The following TSPEAR variants were observed in gnomAD, a reference collection of about 807,000 sequenced individuals.
The protein encoded by TSPEAR is thrombospondin type laminin G domain and EAR repeats.
In TSPEAR, 69 loss-of-function variants were observed where a neutral mutation model predicts 71.6. The observed-to-expected ratio is 0.96, with a 90% confidence interval of 0.79 to 1.18. TSPEAR has a LOEUF of 1.18. TSPEAR is among the 50% of genes most tolerant of loss of function. The pLI is 0.00. For synonymous variants in TSPEAR, 402 were observed against 387.2 expected, an observed-to-expected ratio of 1.04 and a Z score of -0.45; for missense variants, 971 against 894.9, an observed-to-expected ratio of 1.09 and a Z score of -1.09.
chr21:44,513,898 A>G (rs2052474280), intron 9 of TSPEAR, among the ~76,000 whole-genome samples: 1 of 152,140 alleles, frequency 6.6e-6, no homozygotes, highest in Non-Finnish European at 1.5e-5. Context: ...CTGGACAAGC[A>G]TCCCGGGTGG....
chr21:44,637,733 G>A lies in TSPEAR; in HGVS notation c.83-69728C>T, dbSNP rs145190641. On this transcript the variant is annotated intron_variant, in intron 1 of 11. Transcript: ENST00000323084. The stretch of plus-strand genomic sequence containing the variant: ...TGTCTGCTGTGTGCCCGTCTGCTGC[G>A]TGCCCGTCTGTAACAAGCCTGTGTG... 5.3e-4 allele frequency: 692 copies of A among 1,297,422 alleles called. 6 individuals carry two copies. The African/African-American group carries it at 9.2e-3, about 17-fold the overall frequency. 80.4% of individuals were successfully genotyped at this position (1,297,422 alleles called of 1,614,324 possible). A position where few individuals can be genotyped will look rare whatever the true frequency, so the allele number is the denominator to read the frequency against.
intron 2 of TSPEAR, among the ~76,000 whole-genome samples, chr21:44,537,309 A>T (rs990796340): frequency 2.0e-5 from 3 of 152,224 alleles, no homozygotes; most frequent in Non-Finnish European, 4.4e-5. Context: ...AGTTTAAAAA[A>T]TACTGGAAAA....
chr21:44,683,386 C>T (rs1555948435), intron 1 of TSPEAR, among the ~76,000 whole-genome samples: 1 of 152,150 alleles, frequency 6.6e-6, no homozygotes, highest in East Asian at 1.9e-4. Context: ...CAGATATTGA[C>T]CAGGCACGGT....
chr21:44,504,653 T>C (rs2052152080), intron 11 of TSPEAR, 127 bp downstream of exon 11: 3 of 351,156 alleles, frequency 8.5e-6, no homozygotes, highest in South Asian at 7.8e-5. Context: ...GAAGCAAGTC[T>C]CTTGGAGGAG....
chr21:44,638,648 C>T (rs1983826680), intron 1 of TSPEAR, among the ~76,000 whole-genome samples: 1 of 151,684 alleles, frequency 6.6e-6, no homozygotes, highest in East Asian at 1.9e-4. Flanking sequence ...TGGTGCTGGC[C>T]TCTGTGAACC....
intron 1 of TSPEAR, chr21:44,575,085 G>A (rs782162465): frequency 2.1e-5 from 30 of 1,403,912 alleles, no homozygotes; most frequent in Admixed American, 4.4e-5. Context: ...TGATAGTCGC[G>A]TCCTGAATTG....
At chr21:44,657,214 T>C (rs1188738286) in intron 1 of TSPEAR, among the ~76,000 whole-genome samples, 3 of 152,224 alleles carry the variant, frequency 2.0e-5, no homozygotes, top group African/African-American at 7.2e-5. Flanking sequence ...ATGCATTCAT[T>C]TCTTCCTTTA....
chr21:44,503,010 G>A (rs144314463), intron 11 of TSPEAR, among the ~76,000 whole-genome samples: 1,646 of 125,646 alleles, frequency 0.013, 1 homozygote, highest in African/African-American at 0.046. Context: ...GTGCTGGGAG[G>A]AAGCCGGCCT....
chr21:44,658,061 G>A (rs782814531), intron 1 of TSPEAR: 40 of 1,611,720 alleles, frequency 2.5e-5, no homozygotes, highest in Admixed American at 1.0e-4. Flanking sequence ...CTATGTGCCC[G>A]TGAGCTGCCA....
At chr21:44,509,772 G>A (rs1306308082) in intron 9 of TSPEAR, 3 of 244,278 alleles carry the variant, frequency 1.2e-5, no homozygotes, top group South Asian at 5.1e-5. Context: ...TGCCCCTAGC[G>A]ACCATCTGTG....
rs1980141011 is a variant in TSPEAR, at chr21:44,593,503, C to T, written c.83-25498G>A. Among the ~76,000 whole-genome samples the T allele has an allele frequency of 6.6e-6, 1 of 152,228 alleles. No individual in the cohort carries two copies. Among genetic ancestry groups the T allele is most frequent in the Non-Finnish European group, 1.5e-5 (1 of 68,052 alleles). ...ACGAAACATAAAATCCTAAGCCCCT[C>T]AACTGACTAAATGGATCCCATCTTG... On this transcript the variant is annotated intron_variant, in intron 1 of 11. Coordinates refer to ENST00000323084, the MANE Select transcript of TSPEAR (RefSeq NM_144991.3). This position sits in a 1 kb window ranked among gnomAD's most constrained non-coding sequence, Gnocchi z 5.9.
chr21:44,650,730 C>T (rs1984736766), intron 1 of TSPEAR, among the ~76,000 whole-genome samples: 1 of 152,252 alleles, frequency 6.6e-6, no homozygotes. Context: ...CGCCCTCCAG[C>T]TCCAGCCCCC....
At chr21:44,508,314 GTGT>G (rs782051737) in intron 10 of TSPEAR, 51 of 209,116 alleles carry the variant, frequency 2.4e-4, no homozygotes, top group Admixed American at 7.8e-4. Context: ...CTAAAGGTAT[GTGT>G]TGTTGTGTGT....
chr21:44,504,871 A>G lies in TSPEAR; in HGVS notation c.1765T>C (p.Trp589Arg). 1 of 1,613,550 alleles carries G rather than the reference A, an allele frequency of 6.2e-7. No individual in the cohort carries two copies. Among genetic ancestry groups the G allele is most frequent in the Non-Finnish European group, 8.5e-7 (1 of 1,179,618 alleles). ...QDILTCSALD[W>R]EFFSVGEDYF... is the part of the protein sequence containing the mutation. The stretch of plus-strand genomic sequence containing the variant: ...TCTTCTCCCACCGAGAAAAACTCCC[A>G]GTCCAGAGCACTGCAGGAACAAGTG... The change falls in exon 11 of 12, where the codon TGG (tryptophan) becomes CGG (arginine). Residue 589 changes from tryptophan (W) to arginine (R), a missense_variant. Trp to Arg is a moderately radical substitution (Grantham distance 101). Coordinates refer to ENST00000323084, the MANE Select transcript of TSPEAR (RefSeq NM_144991.3).
At chr21:44,513,929 G>A (rs1417560458) in intron 9 of TSPEAR, among the ~76,000 whole-genome samples, 1 of 152,162 alleles carries the variant, frequency 6.6e-6, no homozygotes, top group African/African-American at 2.4e-5. Flanking sequence ...AGCGCTACTG[G>A]ATGACAGGTG....
At chr21:44,683,715 A>G (rs765693294) in intron 1 of TSPEAR, among the ~76,000 whole-genome samples, 2 of 150,520 alleles carry the variant, frequency 1.3e-5, no homozygotes, top group Non-Finnish European at 3.0e-5. Context: ...AATTTAATTC[A>G]CTGTTAAAAA....
intron 1 of TSPEAR, among the ~76,000 whole-genome samples, chr21:44,599,992 G>C (rs1401435372): frequency 6.6e-6 from 1 of 152,208 alleles, no homozygotes; most frequent in African/African-American, 2.4e-5. Context: ...GGAAGAGGGG[G>C]TGCACGGCCC....
rs200116408 is a variant in TSPEAR, at chr21:44,533,671, G to C, written c.542+14C>G. 1.3e-6 allele frequency: 2 copies of C among 1,595,718 alleles called. No homozygotes were observed. Among genetic ancestry groups the C allele is most frequent in the Admixed American group, 1.7e-5 (1 of 59,678 alleles). On this transcript the variant is annotated intron_variant, in intron 3 of 11. Transcript: ENST00000323084. Reference sequence around the variant, plus strand: ...TGAGGACTGCAGGTGCACCCTCCCCGGGTGGGTACCTACATGTCCACCGGG... The same window carrying C: ...TGAGGACTGCAGGTGCACCCTCCCCCGGTGGGTACCTACATGTCCACCGGG...
At chr21:44,609,749 A>C (rs1395647891) in intron 1 of TSPEAR, among the ~76,000 whole-genome samples, 2 of 152,176 alleles carry the variant, frequency 1.3e-5, no homozygotes, top group Non-Finnish European at 2.9e-5. Flanking sequence ...CAGATAAGGA[A>C]ATTTAATCTG....
Sources: gnomAD v4.1 joint callset for allele counts (sites outside exome capture counted in the v4.1 genomes callset) on GRCh38, gnomAD v4.1.1 for gene constraint, Gnocchi (gnomAD v3.1) non-coding constraint, MANE v1.5 for transcripts, NCBI Gene and HGNC (gene_info 2026-07-23, HGNC 2026-07-21) for gene names.